NFIA: variants seen among roughly 807,000 people sequenced by gnomAD.
The protein encoded by NFIA is nuclear factor 1 A-type.
Under a neutral mutation model 62.8 loss-of-function variants are expected in NFIA, and 8 were observed. The observed-to-expected ratio is 0.13, with a 90% CI of 0.07 to 0.23. The LOEUF is 0.23. Among genes scored for constraint, NFIA ranks in the 10% least tolerant of loss-of-function variants. NFIA has a pLI of 1.00. For missense variants in NFIA, 410 were observed against 642.1 expected, an observed-to-expected ratio of 0.64 and a Z score of 3.91; for synonymous variants, 235 against 238.1, an observed-to-expected ratio of 0.99 and a Z score of 0.12.
chr1:61,090,828 G>T (rs1163136083), intron 2 of NFIA, among the ~76,000 whole-genome samples: 1 of 152,184 alleles, frequency 6.6e-6, no homozygotes, highest in Non-Finnish European at 1.5e-5. Context: ...CGCGCAACAG[G>T]AAGACTGTAA....
chr1:61,448,523 A>G lies in NFIA; in HGVS notation c.1513-6780A>G, dbSNP rs1020515153. Among the ~76,000 whole-genome samples the G allele has an allele frequency of 3.7e-4, 56 of 152,320 alleles. No homozygotes were observed. In the Middle Eastern group the frequency reaches 0.01, roughly 28 times the overall value. On this transcript the variant is annotated intron_variant, in intron 10 of 10. Coordinates refer to ENST00000403491, the MANE Select transcript of NFIA (RefSeq NM_001134673.4). Reference sequence around the variant, plus strand: ...CCCTGGCTTTCTGGCTTTCTGTAGTAGCCCCTAGCCAGGCATTTAATCCCC... The same window carrying G: ...CCCTGGCTTTCTGGCTTTCTGTAGTGGCCCCTAGCCAGGCATTTAATCCCC...
At chr1:61,375,693 C>T (rs1243670106) in intron 6 of NFIA, among the ~76,000 whole-genome samples, 2 of 152,272 alleles carry the variant, frequency 1.3e-5, no homozygotes, top group East Asian at 3.9e-4. Context: ...ACCCTCTCTT[C>T]TCTGAGTCAT....
intron 1 of NFIA, among the ~76,000 whole-genome samples, chr1:61,083,275 C>G (rs1646151718): frequency 6.6e-6 from 1 of 152,102 alleles, no homozygotes; most frequent in Non-Finnish European, 1.5e-5. Context: ...ACGGAGCCCA[C>G]CGCTCACCCC....
Position 61,113,315 on chromosome 1 carries a change from A to T in NFIA, c.559+24635A>T, listed in dbSNP as rs186428045. 6.3e-3 allele frequency among the ~76,000 whole-genome samples: 955 copies of T among 152,072 alleles called. 15 individuals are homozygous for T. Among genetic ancestry groups the T allele is most frequent in the African/African-American group, 0.021 (875 of 41,486 alleles). On this transcript the variant is annotated intron_variant, in intron 2 of 10. Transcript: ENST00000403491. ...CAAATGAGAATATGTTTGGTGGGCC[A>T]GGTGCAGGGGATCACACCTGGAATC... is the stretch of plus-strand genomic sequence containing the variant.
intron 2 of NFIA, among the ~76,000 whole-genome samples, chr1:61,107,913 C>G (rs1646631615): frequency 1.3e-5 from 2 of 151,530 alleles, no homozygotes; most frequent in South Asian, 4.1e-4. Flanking sequence ...AATAATTTCT[C>G]TATTCCCCAA....
chr1:61,298,873 G>A (rs543250881), intron 3 of NFIA, among the ~76,000 whole-genome samples: 2 of 152,264 alleles, frequency 1.3e-5, no homozygotes, highest in South Asian at 2.1e-4. Flanking sequence ...CACGCTGGGA[G>A]AAACGTCCCG....
chr1:61,194,169 G>C (rs148527818), intron 2 of NFIA, among the ~76,000 whole-genome samples: 68 of 152,282 alleles, frequency 4.5e-4, no homozygotes, highest in Non-Finnish European at 8.8e-4. Flanking sequence ...AACTCTTTAA[G>C]TCTCATTTTT....
At chr1:61,105,470 A>G (rs956974177) in intron 2 of NFIA, among the ~76,000 whole-genome samples, 9 of 151,946 alleles carry the variant, frequency 5.9e-5, no homozygotes, top group African/African-American at 1.9e-4. Context: ...AAAATTGGTT[A>G]TTTTTAACTT....
chr1:61,096,673 C>T (rs1319554539), intron 2 of NFIA, among the ~76,000 whole-genome samples: 1 of 149,744 alleles, frequency 6.7e-6, no homozygotes, highest in Non-Finnish European at 1.5e-5. Flanking sequence ...CTGCCTCAGT[C>T]TCCTGAGTAG....
intron 4 of NFIA, among the ~76,000 whole-genome samples, chr1:61,337,165 T>C (rs1380444115): frequency 6.6e-6 from 1 of 152,070 alleles, no homozygotes; most frequent in Admixed American, 6.6e-5. Flanking sequence ...GCCTCACAAA[T>C]TCAGAGGTGA....
At chr1:61,225,380 A>G (rs913307463) in intron 2 of NFIA, among the ~76,000 whole-genome samples, 1 of 151,792 alleles carries the variant, frequency 6.6e-6, no homozygotes, top group African/African-American at 2.4e-5. Flanking sequence ...CCTCCTGAGT[A>G]GCTGGGACTA....
chr1:61,352,589 G>T, intron 5 of NFIA, 22 bp downstream of exon 5: 1 of 1,556,224 alleles, frequency 6.4e-7, no homozygotes, highest in South Asian at 1.1e-5. Context: ...GGCAGCTCTT[G>T]AAGAAATTAT....
At chr1:61,167,740 C>T (rs1271639502) in intron 2 of NFIA, among the ~76,000 whole-genome samples, 1 of 152,178 alleles carries the variant, frequency 6.6e-6, no homozygotes, top group South Asian at 2.1e-4. Flanking sequence ...TGTTATTTCT[C>T]ATTAAAACAT....
rs56383204 is a variant in NFIA at position 61,161,586 on chromosome 1, AAC to A, written c.559+72939_559+72940del. The stretch of plus-strand genomic sequence containing the variant: ...TTCTCTCTAGACATGCGCCATGTGC[AAC>A]ACACACACACACACACACACACACA... On this transcript the variant is annotated intron_variant, in intron 2 of 10. Coordinates refer to ENST00000403491, the MANE Select transcript of NFIA (RefSeq NM_001134673.4). Among the ~76,000 whole-genome samples, 1,262 of 149,440 alleles carry A rather than the reference AAC, an allele frequency of 8.4e-3. 15 individuals are homozygous for A. The highest frequency in any genetic ancestry group is 0.054 in the South Asian group (253 of 4,664).
At chr1:61,387,070 T>C (rs1393479792) in intron 7 of NFIA, among the ~76,000 whole-genome samples, 1 of 152,160 alleles carries the variant, frequency 6.6e-6, no homozygotes, top group Non-Finnish European at 1.5e-5. Context: ...CTGCTACCTA[T>C]TACCATCACA....
chr1:61,391,352 T>C (rs1418942492), intron 7 of NFIA, among the ~76,000 whole-genome samples: 1 of 151,816 alleles, frequency 6.6e-6, no homozygotes, highest in Non-Finnish European at 1.5e-5. Flanking sequence ...GCAAATAAGT[T>C]ATGCCCTTAG....
intron 2 of NFIA, among the ~76,000 whole-genome samples, chr1:61,203,275 T>G (rs1404634370): frequency 1.3e-5 from 2 of 152,156 alleles, no homozygotes; most frequent in Admixed American, 6.5e-5. Flanking sequence ...GAAACTGGGA[T>G]AAGCCCCAGA....
intron 7 of NFIA, chr1:61,386,039 G>C (rs1196532660): frequency 6.6e-6 from 1 of 152,130 alleles, no homozygotes; most frequent in Non-Finnish European, 1.5e-5. Context: ...ATTGAGATAG[G>C]CTAACGTAAG....
chr1:61,224,548 CTT>C (rs1281496937), intron 2 of NFIA, among the ~76,000 whole-genome samples: 1 of 152,132 alleles, frequency 6.6e-6, no homozygotes, highest in Non-Finnish European at 1.5e-5. Flanking sequence ...AGTGAAGAAA[CTT>C]ATTCTGATTC....
Sources: allele counts gnomAD v4.1 joint callset (sites outside exome capture counted in the v4.1 genomes callset), GRCh38; gene constraint gnomAD v4.1.1; transcripts MANE v1.5; gene names NCBI Gene and HGNC (gene_info 2026-07-23, HGNC 2026-07-21).